SMAD6: variants seen among roughly 807,000 people sequenced by gnomAD.
The protein encoded by SMAD6 is MAD homolog 6.
SMAD6 carries 103 observed loss-of-function variants against 39.4 expected under a neutral mutation model. The observed-to-expected ratio is 2.62, with a 90% CI of 2.23 to 3.08. The LOEUF is 3.08. Among genes scored for constraint, SMAD6 ranks in the 30% most tolerant of loss-of-function variants. The probability of loss-of-function intolerance (pLI) is 0.00; values close to 1 mark genes in which losing one functional copy is unlikely to be tolerated. For missense variants in SMAD6, 1,104 were observed against 742.9 expected (o/e 1.49, Z -5.65); for synonymous variants, 445 against 353.3 (o/e 1.26, Z -2.91).
chr15:66,766,401 T>G (rs751720974), intron 3 of SMAD6, among the ~76,000 whole-genome samples: 50 of 152,172 alleles, frequency 3.3e-4, no homozygotes, highest in Non-Finnish European at 5.6e-4. Context: ...GGGTTTGGAT[T>G]GGGGCTTGTC....
At chr15:66,752,289 G>A (rs1156258687) in intron 3 of SMAD6, among the ~76,000 whole-genome samples, 1 of 152,184 alleles carries the variant, frequency 6.6e-6, no homozygotes, top group Non-Finnish European at 1.5e-5. Context: ...CACAGATACA[G>A]GAGGAGATCC....
At chr15:66,745,847 T>G (rs879827096) in intron 3 of SMAD6, among the ~76,000 whole-genome samples, 1 of 152,208 alleles carries the variant, frequency 6.6e-6, no homozygotes, top group Non-Finnish European at 1.5e-5. Context: ...TTTCTCTTTC[T>G]AGATAAGAAC....
chr15:66,711,728 A>C lies in SMAD6; in HGVS notation c.874+4A>C, dbSNP rs375338619. ...CGCGACGAGTACAAGCCACTGGGTA[A>C]GTGTGCCCTCCTTCCTACCCTTGCA... On this transcript the variant is annotated splice_donor_region_variant and intron_variant, in intron 2 of 3. Coordinates refer to ENST00000288840, the MANE Select transcript of SMAD6 (RefSeq NM_005585.5). 7 of 1,611,764 alleles carry C rather than the reference A, an allele frequency of 4.3e-6. No homozygotes were observed. Among genetic ancestry groups the C allele is most frequent in the Non-Finnish European group, 5.9e-6 (7 of 1,178,376 alleles).
chr15:66,735,304 T>A (rs902528418), intron 3 of SMAD6, among the ~76,000 whole-genome samples: 1 of 152,342 alleles, frequency 6.6e-6, no homozygotes, highest in Middle Eastern at 3.4e-3. Flanking sequence ...TTGGGAGTTA[T>A]GACTCTTTCC....
At chr15:66,743,181 C>T (rs1893846224) in intron 3 of SMAD6, among the ~76,000 whole-genome samples, 1 of 152,142 alleles carries the variant, frequency 6.6e-6, no homozygotes, top group South Asian at 2.1e-4. Flanking sequence ...CTCGTGGGAT[C>T]CTGAGAGCTC....
At chr15:66,710,905 C>A (rs1893214251) in intron 1 of SMAD6, among the ~76,000 whole-genome samples, 1 of 152,226 alleles carries the variant, frequency 6.6e-6, no homozygotes, top group Non-Finnish European at 1.5e-5. Context: ...CTGGAAGTGA[C>A]TGGCTTAAGG....
chr15:66,718,752 A>G (rs1341079241), intron 3 of SMAD6, among the ~76,000 whole-genome samples: 1 of 152,154 alleles, frequency 6.6e-6, no homozygotes, highest in South Asian at 2.1e-4. Context: ...CTGGGAGCCC[A>G]AAGACATGGG....
At chr15:66,754,116 C>T (rs1447202889) in intron 3 of SMAD6, among the ~76,000 whole-genome samples, 1 of 152,174 alleles carries the variant, frequency 6.6e-6, no homozygotes, top group Non-Finnish European at 1.5e-5. Context: ...AAAACAGGGG[C>T]ATATTTCTCA....
Position 66,704,204 on chromosome 15 carries a change from G to A in SMAD6, c.817+129G>A, listed in dbSNP as rs1893058181. 5 of 680,398 alleles carry A rather than the reference G, an allele frequency of 7.3e-6. No individual in the cohort carries two copies. The Admixed American group carries it at 1.3e-4, about 18-fold the overall frequency. 42.1% of individuals were successfully genotyped at this position (680,398 alleles called of 1,614,324 possible). A position where few individuals can be genotyped will look rare whatever the true frequency, so the allele number is the denominator to read the frequency against. ...CCCCGGGTGCCCTTGGAGCGTGGGA[G>A]CCACCAGGGGAGGCGCCTCAGACCG... is the stretch of plus-strand genomic sequence containing the variant. On this transcript the variant is annotated intron_variant, in intron 1 of 3. Transcript: ENST00000288840.
chr15:66,768,115 G>A (rs936998524), intron 3 of SMAD6, among the ~76,000 whole-genome samples: 3 of 151,910 alleles, frequency 2.0e-5, no homozygotes, highest in African/African-American at 7.3e-5. Context: ...GGGACTACAG[G>A]TGCATGCCAT....
At chr15:66,748,568 G>A (rs543650178) in intron 3 of SMAD6, among the ~76,000 whole-genome samples, 4 of 152,280 alleles carry the variant, frequency 2.6e-5, no homozygotes, top group Non-Finnish European at 5.9e-5. Flanking sequence ...TTTAGTATGA[G>A]AAAACACTAT....
rs368049611 is a variant in SMAD6, at chr15:66,771,766, G to A, written c.953-9231G>A. ...GGATCATGAATGAAGCGTGTAGAGC[G>A]CCTCCCACTTCCCTGGGACTAGCCG... On this transcript the variant is annotated intron_variant, in intron 3 of 3. Transcript: ENST00000288840. 1.8e-4 allele frequency among the ~76,000 whole-genome samples: 27 copies of A among 149,966 alleles called. No homozygotes were observed. The East Asian group carries it at 2.8e-3, about 15-fold the overall frequency.
intron 3 of SMAD6, among the ~76,000 whole-genome samples, chr15:66,729,151 C>T (rs1342069441): frequency 6.6e-6 from 1 of 152,190 alleles, no homozygotes; most frequent in Non-Finnish European, 1.5e-5. Context: ...TCTCCCCTCT[C>T]TGCGTCCAGG....
At chr15:66,778,596 C>T (rs1486039807) in intron 3 of SMAD6, among the ~76,000 whole-genome samples, 2 of 152,152 alleles carry the variant, frequency 1.3e-5, no homozygotes, top group African/African-American at 4.8e-5. Flanking sequence ...ATAGTAACCT[C>T]TAGGGCTCAT....
intron 1 of SMAD6, among the ~76,000 whole-genome samples, chr15:66,709,420 G>C (rs1220847284): frequency 6.6e-6 from 1 of 152,188 alleles, no homozygotes; most frequent in African/African-American, 2.4e-5. Context: ...AGCTCTTCCA[G>C]GTGGGACTTC....
intron 3 of SMAD6, among the ~76,000 whole-genome samples, chr15:66,719,307 C>G (rs910317083): frequency 1.3e-5 from 2 of 152,210 alleles, no homozygotes; most frequent in African/African-American, 4.8e-5. Flanking sequence ...TAAAATGATC[C>G]AAAGGAGCCT....
intron 3 of SMAD6, among the ~76,000 whole-genome samples, chr15:66,728,796 A>G (rs1179674944): frequency 6.6e-6 from 1 of 152,208 alleles, no homozygotes; most frequent in African/African-American, 2.4e-5. Context: ...CTAGTCTAAC[A>G]TATCCATTCT....
intron 3 of SMAD6, among the ~76,000 whole-genome samples, chr15:66,779,012 G>A (rs149716320): frequency 1.2e-4 from 18 of 152,324 alleles, no homozygotes; most frequent in Middle Eastern, 3.4e-3. Context: ...CTGCAGTTTC[G>A]TGGCTAGGCT....
chr15:66,732,907 A>T (rs1047146734), intron 3 of SMAD6, among the ~76,000 whole-genome samples: 1 of 150,058 alleles, frequency 6.7e-6, no homozygotes, highest in South Asian at 2.1e-4. Context: ...AAGGACAGAA[A>T]TTTTTTTTTT....
Sources: gnomAD v4.1 joint callset for allele counts (sites outside exome capture counted in the v4.1 genomes callset) on GRCh38, gnomAD v4.1.1 for gene constraint, MANE v1.5 for transcripts, NCBI Gene and HGNC (gene_info 2026-07-23, HGNC 2026-07-21) for gene names.